Variants in ITGA8 observed in about 807,000 individuals in gnomAD.
ITGA8 encodes the protein integrin subunit alpha 8.
In ITGA8, 91 loss-of-function variants were observed where a neutral mutation model predicts 142.3. The observed-to-expected ratio is 0.64, with a 90% CI of 0.54 to 0.76. The LOEUF (loss-of-function observed/expected upper bound fraction) is 0.76, where lower values mean the gene tolerates loss of function less well. Among genes scored for constraint, ITGA8 ranks in the 30% least tolerant of loss-of-function variants. The pLI is 0.00. For missense variants in ITGA8, 1,406 were observed against 1,327.7 expected, an observed-to-expected ratio of 1.06 and a Z score of -0.92; for synonymous variants, 505 against 485.2, an observed-to-expected ratio of 1.04 and a Z score of -0.54.
At chr10:15,680,522 C>T (rs532166404) in intron 4 of ITGA8, among the ~76,000 whole-genome samples, 382 of 152,098 alleles carry the variant, frequency 2.5e-3, no homozygotes, top group African/African-American at 8.9e-3. Context: ...TCTAGAAGCT[C>T]ATATGTGTAA....
intron 13 of ITGA8, among the ~76,000 whole-genome samples, chr10:15,621,274 G>A (rs538488190): frequency 6.6e-5 from 10 of 150,718 alleles, no homozygotes; most frequent in Middle Eastern, 3.5e-3. Flanking sequence ...ATTGCCTCAC[G>A]TTGCCTGAGA....
chr10:15,606,209 T>C (rs1243917561), intron 18 of ITGA8, 76 bp downstream of exon 18: 1 of 1,285,676 alleles, frequency 7.8e-7, no homozygotes, highest in Non-Finnish European at 1.1e-6. Flanking sequence ...GAGCTGGCTT[T>C]AGTCTTAAAG....
chr10:15,672,775 A>C, intron 6 of ITGA8, 26 bp from the exon 7 acceptor site: 1 of 1,560,486 alleles, frequency 6.4e-7, no homozygotes, highest in Non-Finnish European at 8.7e-7. Flanking sequence ...TTAATACGTT[A>C]ACTGAATGAA....
At chr10:15,581,643 TAAC>T (rs1834408685) in intron 23 of ITGA8, among the ~76,000 whole-genome samples, 1 of 151,970 alleles carries the variant, frequency 6.6e-6, no homozygotes. Context: ...GATGGGAAAA[TAAC>T]AAAAAAGTCT....
At chr10:15,608,718 C>T (rs557038452) in intron 15 of ITGA8, among the ~76,000 whole-genome samples, 80 of 152,046 alleles carry the variant, frequency 5.3e-4, no homozygotes, top group Non-Finnish European at 1.0e-3. Context: ...TCAGTGTAGT[C>T]GGGGCACTGA....
chr10:15,670,723 T>TTAC (rs1834496206), intron 8 of ITGA8, among the ~76,000 whole-genome samples: 1 of 152,196 alleles, frequency 6.6e-6, no homozygotes, highest in African/African-American at 2.4e-5. Context: ...TGCATTATAT[T>TTAC]TACTCCTCAG....
intron 13 of ITGA8, among the ~76,000 whole-genome samples, chr10:15,639,915 G>A (rs1240375638): frequency 2.0e-5 from 3 of 152,116 alleles, no homozygotes; most frequent in South Asian, 2.1e-4. Context: ...AAGTCAATTT[G>A]TTGAATAGAT....
intron 8 of ITGA8, among the ~76,000 whole-genome samples, chr10:15,669,925 T>TG (rs537074845): frequency 6.6e-6 from 1 of 152,162 alleles, no homozygotes; most frequent in Non-Finnish European, 1.5e-5. Context: ...CCGCCGCTAC[T>TG]GGGGGGTCCT....
chr10:15,611,257 T>C (rs1833288522), intron 15 of ITGA8, among the ~76,000 whole-genome samples: 1 of 152,158 alleles, frequency 6.6e-6, no homozygotes, highest in South Asian at 2.1e-4. Context: ...TAACTTTCTG[T>C]CTTCTGAGGC....
At chr10:15,717,148 GA>G (rs1241969890) in intron 2 of ITGA8, among the ~76,000 whole-genome samples, 2 of 151,844 alleles carry the variant, frequency 1.3e-5, no homozygotes, top group Non-Finnish European at 2.9e-5. Context: ...TTTATCAAAA[GA>G]AAAAAATACT....
chr10:15,691,991 C>T (rs1177688281), intron 2 of ITGA8, among the ~76,000 whole-genome samples: 1 of 152,110 alleles, frequency 6.6e-6, no homozygotes, highest in African/African-American at 2.4e-5. Context: ...GGCTAGAATG[C>T]AGTGGCACGA....
chr10:15,620,549 C>T lies in ITGA8; in HGVS notation c.1400-3990G>A, dbSNP rs568268041. ...AATTTTCTTCATGAGAATGTGGTCA[C>T]GGTTATTCAGAGGCAAAGAAAACAG... is the stretch of plus-strand genomic sequence containing the variant. On this transcript the variant is annotated intron_variant, in intron 13 of 29. Coordinates refer to ENST00000378076, the MANE Select transcript of ITGA8 (RefSeq NM_003638.3). Among the ~76,000 whole-genome samples, 16 of 152,208 alleles carry T rather than the reference C, an allele frequency of 1.1e-4. No homozygotes were observed. The South Asian group carries it at 3.1e-3, about 30-fold the overall frequency.
rs777392711 is a variant in ITGA8, at chr10:15,608,226, C to T, written c.1609+9G>A. The T allele has an allele frequency of 2.5e-6, 4 of 1,583,096 alleles. No individual in the cohort carries two copies. Among genetic ancestry groups the T allele is most frequent in the Non-Finnish European group, 3.5e-6 (4 of 1,158,770 alleles). ...TACCATAAGAATGTAAAAATGAAAA[C>T]ATGCTTACCTATTGTGTTTGCAATG... On this transcript the variant is annotated intron_variant, in intron 16 of 29. Transcript: ENST00000378076.
At chr10:15,648,747 A>G (rs1462019079) in intron 11 of ITGA8, among the ~76,000 whole-genome samples, 2 of 152,062 alleles carry the variant, frequency 1.3e-5, no homozygotes, top group Non-Finnish European at 2.9e-5. Context: ...CCCTCTCTCC[A>G]ATTTCTGGCC....
intron 20 of ITGA8, among the ~76,000 whole-genome samples, chr10:15,601,202 G>T (rs1833098748): frequency 1.3e-5 from 2 of 151,982 alleles, no homozygotes; most frequent in South Asian, 4.2e-4. Context: ...TCATGCCTCT[G>T]CACTCCAGCC....
chr10:15,687,424 G>A (rs1834851557), intron 3 of ITGA8, among the ~76,000 whole-genome samples: 1 of 152,114 alleles, frequency 6.6e-6, no homozygotes. Flanking sequence ...GCACTTTGAA[G>A]CTGAAAGATT....
At chr10:15,699,875 C>T (rs1306606935) in intron 2 of ITGA8, among the ~76,000 whole-genome samples, 1 of 152,176 alleles carries the variant, frequency 6.6e-6, no homozygotes, top group Non-Finnish European at 1.5e-5. Context: ...AATGGTACCT[C>T]ATTTTGTTTT....
At chr10:15,697,415 A>G (rs1458168811) in intron 2 of ITGA8, among the ~76,000 whole-genome samples, 1 of 152,176 alleles carries the variant, frequency 6.6e-6, no homozygotes, top group Non-Finnish European at 1.5e-5. Flanking sequence ...CCCCCATTCC[A>G]TTCCTCTTCC....
chr10:15,606,521 G>A, intron 17 of ITGA8, 99 bp from the exon 18 acceptor site: 2 of 1,167,036 alleles, frequency 1.7e-6, no homozygotes, highest in East Asian at 2.4e-5. Context: ...CTCAATGAAA[G>A]TGAATGATGA....
Sources: gnomAD v4.1 joint callset for allele counts (sites outside exome capture counted in the v4.1 genomes callset) on GRCh38, gnomAD v4.1.1 for gene constraint, MANE v1.5 for transcripts, NCBI Gene and HGNC (gene_info 2026-07-23, HGNC 2026-07-21) for gene names.